The following LSM14A variants were observed in gnomAD, a reference collection of about 807,000 sequenced individuals.
LSM14A encodes protein LSM14 homolog A.
LSM14A carries 14 observed loss-of-function variants against 52.4 expected under a neutral mutation model. The ratio of observed to expected loss-of-function variants is 0.27; its 90% confidence interval spans 0.18 to 0.42. LSM14A has a LOEUF of 0.42. Among genes scored for constraint, LSM14A ranks in the 10% least tolerant of loss-of-function variants. The pLI, the probability that LSM14A is intolerant of heterozygous loss-of-function variation, is 1.00. For synonymous variants in LSM14A, 185 were observed against 200.3 expected (o/e 0.92, Z 0.64); for missense variants, 417 against 581.8 (o/e 0.72, Z 2.91).
chr19:34,178,680 C>T (rs1352496607), intron 1 of LSM14A, among the ~76,000 whole-genome samples: 2 of 152,198 alleles, frequency 1.3e-5, no homozygotes, highest in African/African-American at 4.8e-5. Flanking sequence ...AGCATTTTAG[C>T]TTATTGTTCT....
chr19:34,188,887 G>A (rs1382671813), intron 1 of LSM14A, among the ~76,000 whole-genome samples: 2 of 151,366 alleles, frequency 1.3e-5, no homozygotes, highest in Admixed American at 6.6e-5. Flanking sequence ...TTTGTTGATG[G>A]GCATTTGGGT....
chr19:34,186,048 C>G (rs2069886538), intron 1 of LSM14A, among the ~76,000 whole-genome samples: 1 of 152,162 alleles, frequency 6.6e-6, no homozygotes, highest in Non-Finnish European at 1.5e-5. Context: ...AAGTAGCTTA[C>G]TTAATAGCTT....
chr19:34,209,465 T>C (rs1255446572), intron 4 of LSM14A, among the ~76,000 whole-genome samples: 1 of 152,186 alleles, frequency 6.6e-6, no homozygotes, highest in Non-Finnish European at 1.5e-5. Context: ...AGAGTAGTGG[T>C]TCTCAGTGTA....
intron 3 of LSM14A, among the ~76,000 whole-genome samples, chr19:34,207,247 G>T (rs2071770290): frequency 6.6e-6 from 1 of 152,160 alleles, no homozygotes; most frequent in Non-Finnish European, 1.5e-5. Context: ...GACAAGCAAT[G>T]GGAGGCCAAG....
rs1356429199 is a variant in LSM14A, at chr19:34,182,856, AG to A, written c.121+10094del. On this transcript the variant is annotated intron_variant, in intron 1 of 9. Transcript: ENST00000544216. ...GACTCCATCTCAAAAAAAAAAAAAA[AG>A]AGTCAACTCTCTTTAAATCTAAGAA... 2.0e-5 allele frequency among the ~76,000 whole-genome samples: 3 copies of A among 150,404 alleles called. No individual in the cohort carries two copies. The East Asian group carries it at 5.8e-4, about 29-fold the overall frequency.
chr19:34,203,309 T>A (rs574804596), intron 3 of LSM14A, among the ~76,000 whole-genome samples: 1 of 147,208 alleles, frequency 6.8e-6, no homozygotes, highest in African/African-American at 2.4e-5. Flanking sequence ...ATTGGCTGAA[T>A]AGACCATCAG....
At chr19:34,209,125 C>A in intron 4 of LSM14A, 74 bp downstream of exon 4, 1 of 1,286,792 alleles carries the variant, frequency 7.8e-7, no homozygotes, top group Non-Finnish European at 1.1e-6. Context: ...AATGTAAGAG[C>A]TTTTGCAGCT....
At chr19:34,196,543 A>G (rs2070852175) in intron 2 of LSM14A, 91 bp from the exon 3 acceptor site, 4 of 1,250,788 alleles carry the variant, frequency 3.2e-6, no homozygotes, top group Non-Finnish European at 4.3e-6. Context: ...ATAATTTAAT[A>G]GTTTTCTTAA....
At chr19:34,179,599 CTG>C (rs2069328264) in intron 1 of LSM14A, among the ~76,000 whole-genome samples, 1 of 151,954 alleles carries the variant, frequency 6.6e-6, no homozygotes, top group Non-Finnish European at 1.5e-5. Context: ...GTGCCAGAAA[CTG>C]TTCATTTTCT....
intron 3 of LSM14A, among the ~76,000 whole-genome samples, chr19:34,201,914 T>G (rs2071319079): frequency 1.3e-5 from 2 of 151,984 alleles, no homozygotes; most frequent in Non-Finnish European, 2.9e-5. Flanking sequence ...CTAGACCTCC[T>G]GGGCTCAAGC....
intron 1 of LSM14A, among the ~76,000 whole-genome samples, chr19:34,174,101 C>G (rs1226647683): frequency 6.6e-6 from 1 of 152,178 alleles, no homozygotes; most frequent in East Asian, 1.9e-4. Flanking sequence ...AGGCGCCTGC[C>G]ACCACCCCTA....
intron 1 of LSM14A, among the ~76,000 whole-genome samples, chr19:34,175,854 CGTTTTTTTTT>C (rs1416375180): frequency 2.7e-5 from 4 of 146,152 alleles, no homozygotes; most frequent in African/African-American, 7.4e-5. Flanking sequence ...GTTTTGTTTT[CGTTTTTTTTT>C]GTTGTTGTTT....
intron 4 of LSM14A, among the ~76,000 whole-genome samples, chr19:34,212,320 A>T (rs1019439429): frequency 2.0e-5 from 3 of 152,240 alleles, no homozygotes; most frequent in African/African-American, 7.2e-5. Context: ...GCAAGAATTC[A>T]TCTTAAAAGA....
chr19:34,226,492 G>A (rs1388124092), intron 9 of LSM14A: 3 of 1,502,158 alleles, frequency 2.0e-6, no homozygotes, highest in East Asian at 2.5e-5. Flanking sequence ...TTTGGGAGGT[G>A]TGAAGGTTGG....
At chr19:34,174,408 T>A (rs1214542455) in intron 1 of LSM14A, among the ~76,000 whole-genome samples, 1 of 152,244 alleles carries the variant, frequency 6.6e-6, no homozygotes, top group East Asian at 1.9e-4. Flanking sequence ...ATTATACACT[T>A]TTTAAAATCA....
chr19:34,182,273 G>A (rs944578123), intron 1 of LSM14A, among the ~76,000 whole-genome samples: 2 of 152,134 alleles, frequency 1.3e-5, no homozygotes, highest in South Asian at 2.1e-4. Context: ...ATGTTTTCTT[G>A]TGCTTGACTG....
At chr19:34,205,487 C>CAAAAAAAAAA (rs140536208) in intron 3 of LSM14A, among the ~76,000 whole-genome samples, 2 of 95,186 alleles carry the variant, frequency 2.1e-5, no homozygotes, top group East Asian at 6.8e-4. Context: ...CTCCATCTCA[C>CAAAAAAAAAA]AAAAAAAAAA....
At chr19:34,224,580 C>T (rs2073243060) in intron 9 of LSM14A, among the ~76,000 whole-genome samples, 1 of 152,186 alleles carries the variant, frequency 6.6e-6, no homozygotes, top group African/African-American at 2.4e-5. Context: ...ATGGACTCAG[C>T]GAACCCTCAG....
Position 34,221,890 on chromosome 19 carries a change from A to ATG in LSM14A, c.1368+154_1368+155dup, listed in dbSNP as rs2073089740. ...TCAGTAGAGGATATACGTGATTCAG[A>ATG]TGTATATATAAAGACATTATACAAA... On this transcript the variant is annotated intron_variant, in intron 9 of 9. Coordinates refer to ENST00000544216, the MANE Select transcript of LSM14A (RefSeq NM_015578.4). 1.4e-6 allele frequency: 2 copies of ATG among 1,391,258 alleles called. 1 individual carries two copies. The allele number at this position is 1,391,258 out of a possible 1,614,324, so 86.2% of individuals were successfully genotyped here. A position where few individuals can be genotyped will look rare whatever the true frequency, so the allele number is the denominator to read the frequency against.
Sources: allele counts gnomAD v4.1 joint callset (sites outside exome capture counted in the v4.1 genomes callset), GRCh38; gene constraint gnomAD v4.1.1; transcripts MANE v1.5; gene names NCBI Gene and HGNC (gene_info 2026-07-23, HGNC 2026-07-21).